SLC25A33: variants seen among roughly 807,000 people sequenced by gnomAD.
SLC25A33 encodes solute carrier family 25 member 33.
In SLC25A33, 15 loss-of-function variants were observed where a neutral mutation model predicts 35.5. The observed-to-expected ratio is 0.42, with a 90% CI of 0.28 to 0.65. The LOEUF (loss-of-function observed/expected upper bound fraction) is 0.65. Ranked by LOEUF, SLC25A33 falls within the 30% of genes least tolerant of loss-of-function variation. The pLI is 0.20. For missense variants in SLC25A33, 257 were observed against 398.5 expected (o/e 0.64, Z 3.02); for synonymous variants, 136 against 148.7 (o/e 0.91, Z 0.62).
chr1:9,571,802 CTAATTTTTT>C, intron 4 of SLC25A33, among the ~76,000 whole-genome samples: 3 of 152,040 alleles, frequency 2.0e-5, no homozygotes, highest in Admixed American at 1.3e-4. Flanking sequence ...CCATGCCCAG[CTAATTTTTT>C]TGTATTTTTT....
Position 9,553,772 on chromosome 1 carries a change from C to T in SLC25A33, c.203C>T (p.Thr68Ile), listed in dbSNP as rs1643302560. 1 of 1,614,056 alleles carries T rather than the reference C, an allele frequency of 6.2e-7. No homozygotes were observed. The highest frequency in any genetic ancestry group is 1.7e-5 in the Admixed American group (1 of 59,990). The stretch of plus-strand genomic sequence containing the variant: ...AGTGGAGCTGGAATGGTGAGACCAA[C>T]ATCCGTGACACCTGGACTCTTTCAG... ...TISGAGMVRP[T>I]SVTPGLFQVL... is the part of the protein sequence containing the mutation. Residue 68 changes from threonine (T) to isoleucine (I), a missense_variant, in exon 2 of 7, where the codon ACA becomes ATA. By Grantham distance (89) the Thr-to-Ile change is moderately conservative. Coordinates refer to ENST00000302692, the MANE Select transcript of SLC25A33 (RefSeq NM_032315.3).
At chr1:9,574,950 A>C (rs1475213041) in intron 5 of SLC25A33, among the ~76,000 whole-genome samples, 1 of 152,182 alleles carries the variant, frequency 6.6e-6, no homozygotes, top group African/African-American at 2.4e-5. Context: ...GCGGTGGCTC[A>C]CACCTGTAAT....
At chr1:9,555,561 G>A (rs1643331266) in intron 2 of SLC25A33, among the ~76,000 whole-genome samples, 1 of 152,172 alleles carries the variant, frequency 6.6e-6, no homozygotes, top group African/African-American at 2.4e-5. Flanking sequence ...GTACATCTGA[G>A]CTTACTGAGC....
At chr1:9,556,053 G>A (rs1643338018) in intron 2 of SLC25A33, 2 of 246,172 alleles carry the variant, frequency 8.1e-6, no homozygotes, top group Middle Eastern at 2.1e-3. Flanking sequence ...GTTGGGGGTG[G>A]GTACAGGAGG....
At chr1:9,540,285 A>C (rs1643059376) in intron 1 of SLC25A33, among the ~76,000 whole-genome samples, 1 of 152,160 alleles carries the variant, frequency 6.6e-6, no homozygotes, top group African/African-American at 2.4e-5. Context: ...TTGCGGCCAC[A>C]CGCGGGGTGG....
chr1:9,567,335 A>G lies in SLC25A33; in HGVS notation c.288A>G (p.Pro96=), dbSNP rs1458677874. ...AGTCACTTTTTAGAGGCTTGGGTCC[A>G]AATTTGGTTGGAGTTGCACCATCAA... ...GPKSLFRGLG[P]NLVGVAPSRA... is the part of the protein sequence containing the mutation. The change falls in exon 3 of 7, where the codon CCA becomes CCG. Residue 96 remains proline, a synonymous_variant. Transcript: ENST00000302692. 4 of 1,614,024 alleles carry G rather than the reference A, an allele frequency of 2.5e-6. No homozygotes were observed. Among genetic ancestry groups the G allele is most frequent in the Admixed American group, 1.7e-5 (1 of 60,020 alleles).
intron 6 of SLC25A33, 104 bp downstream of exon 6, chr1:9,580,338 T>C (rs924009473): frequency 1.4e-6 from 2 of 1,437,242 alleles, no homozygotes; most frequent in African/African-American, 2.8e-5. Context: ...GCAGGATCCC[T>C]GCAGGTAAGG....
In SLC25A33 at chr1:9,570,248, G is replaced by T. The variant is rs376782593; in HGVS notation, c.315-10G>T. The T allele has an allele frequency of 1.9e-6, 3 of 1,609,946 alleles. No individual in the cohort carries two copies. Among genetic ancestry groups the T allele is most frequent in the Non-Finnish European group, 2.5e-6 (3 of 1,177,994 alleles). ...ATGATTTCTTTATAATGTTCTCTTT[G>T]TTCTAACAGGGCTGTATACTTTGCA... On this transcript the variant is annotated splice_polypyrimidine_tract_variant and intron_variant, in intron 3 of 6. Coordinates refer to ENST00000302692, the MANE Select transcript of SLC25A33 (RefSeq NM_032315.3).
At chr1:9,575,371 C>G (rs1643648237) in intron 5 of SLC25A33, among the ~76,000 whole-genome samples, 1 of 151,924 alleles carries the variant, frequency 6.6e-6, no homozygotes, top group South Asian at 2.1e-4. Context: ...AATCCCAGCA[C>G]TTTGGGAGGC....
Position 9,583,325 on chromosome 1 carries a change from C to G in SLC25A33, c.*824C>G, listed in dbSNP as rs1569886049. On this transcript the variant is annotated 3_prime_UTR_variant, in exon 7 of 7. Transcript: ENST00000302692. ...TTCCAATTACTTGCAGATTGATCAT[C>G]TAAGCGTTCAGACTGCTGAGATGAA... 1 of 152,192 alleles carries G rather than the reference C, an allele frequency of 6.6e-6. No individual in the cohort carries two copies. The highest frequency in any genetic ancestry group is 1.5e-5 in the Non-Finnish European group (1 of 68,046). The allele number at this position is 152,192 out of a possible 1,614,324, so 9.4% of individuals were successfully genotyped here.
At chr1:9,561,299 CTATCT>C (rs1351158126) in intron 2 of SLC25A33, among the ~76,000 whole-genome samples, 2 of 152,094 alleles carry the variant, frequency 1.3e-5, no homozygotes, top group African/African-American at 4.8e-5. Context: ...TAGTGATCTC[CTATCT>C]TATCTTTTAG....
intron 1 of SLC25A33, among the ~76,000 whole-genome samples, chr1:9,546,710 A>G (rs530060838): frequency 3.3e-5 from 5 of 152,172 alleles, no homozygotes; most frequent in Admixed American, 6.6e-5. Context: ...GGGGGTGTTC[A>G]GTTGCAAGTA....
intron 2 of SLC25A33, among the ~76,000 whole-genome samples, chr1:9,557,245 A>G (rs1361138601): frequency 6.6e-6 from 1 of 152,198 alleles, no homozygotes; most frequent in African/African-American, 2.4e-5. Context: ...AATACTTTTA[A>G]ATCAGTTTAT....
intron 1 of SLC25A33, among the ~76,000 whole-genome samples, chr1:9,542,454 A>G (rs1466899125): frequency 3.3e-5 from 5 of 152,106 alleles, no homozygotes; most frequent in African/African-American, 4.8e-5. Flanking sequence ...CAGAGTAACT[A>G]ATTGGATTTT....
chr1:9,577,274 A>G (rs990315104), intron 5 of SLC25A33, among the ~76,000 whole-genome samples: 1 of 152,246 alleles, frequency 6.6e-6, no homozygotes, highest in South Asian at 2.1e-4. Flanking sequence ...CCTGGCCAAC[A>G]TGGTGAAACC....
chr1:9,561,043 G>A (rs750972308), intron 2 of SLC25A33, among the ~76,000 whole-genome samples: 2 of 150,470 alleles, frequency 1.3e-5, no homozygotes, highest in Non-Finnish European at 2.9e-5. Flanking sequence ...TCTGTCTCCC[G>A]GATTCAAGCG....
chr1:9,554,307 G>A (rs1383420572), intron 2 of SLC25A33, among the ~76,000 whole-genome samples: 1 of 152,144 alleles, frequency 6.6e-6, no homozygotes, highest in African/African-American at 2.4e-5. Context: ...GGTATTACAG[G>A]CGTGAGCCAC....
chr1:9,569,048 C>A (rs1489224009), intron 3 of SLC25A33, among the ~76,000 whole-genome samples: 1 of 151,970 alleles, frequency 6.6e-6, no homozygotes, highest in Non-Finnish European at 1.5e-5. Flanking sequence ...GAGTTTGAGA[C>A]CAGCATGGCC....
chr1:9,569,160 G>A (rs543782565), intron 3 of SLC25A33, among the ~76,000 whole-genome samples: 12 of 151,612 alleles, frequency 7.9e-5, no homozygotes, highest in Admixed American at 6.6e-4. Flanking sequence ...CAGGAGAATG[G>A]CTTGAACCCA....
Sources: gnomAD v4.1 joint callset for allele counts (sites outside exome capture counted in the v4.1 genomes callset) on GRCh38, gnomAD v4.1.1 for gene constraint, MANE v1.5 for transcripts, NCBI Gene and HGNC (gene_info 2026-07-23, HGNC 2026-07-21) for gene names.